Variants in CACNA2D1 observed in about 807,000 individuals in gnomAD.
CACNA2D1 encodes calcium voltage-gated channel auxiliary subunit alpha2delta 1.
A neutral mutation model predicts 171.5 loss-of-function variants in CACNA2D1; 53 were observed. That is an observed-to-expected ratio of 0.31 (90% CI 0.25 to 0.39). The LOEUF (loss-of-function observed/expected upper bound fraction) is 0.39, where lower values mean the gene tolerates loss of function less well. Ranked by LOEUF, CACNA2D1 falls within the 10% of genes least tolerant of loss-of-function variation. The probability of loss-of-function intolerance (pLI) is 1.00; values close to 1 mark genes in which losing one functional copy is unlikely to be tolerated. For synonymous variants in CACNA2D1, 442 were observed against 443.1 expected (o/e 1.00, Z 0.03); for missense variants, 903 against 1,299.8 (o/e 0.69, Z 4.69).
chr7:81,990,970 A>AAT (rs1307813276), intron 21 of CACNA2D1, among the ~76,000 whole-genome samples: 1 of 152,168 alleles, frequency 6.6e-6, no homozygotes, highest in Non-Finnish European at 1.5e-5. Flanking sequence ...AAAAATACAA[A>AAT]ATATATATAT....
At chr7:82,067,348 G>C (rs971969933) in intron 7 of CACNA2D1, among the ~76,000 whole-genome samples, 7 of 152,020 alleles carry the variant, frequency 4.6e-5, no homozygotes, top group African/African-American at 1.2e-4. Context: ...ATGACTCCTG[G>C]GCAAATGCCT....
At chr7:82,072,512 T>C (rs1808446640) in intron 7 of CACNA2D1, among the ~76,000 whole-genome samples, 1 of 151,728 alleles carries the variant, frequency 6.6e-6, no homozygotes, top group South Asian at 2.1e-4. Flanking sequence ...AATCAGTTAC[T>C]TTTGAAAAAT....
At chr7:82,308,489 G>T (rs1276686077) in intron 3 of CACNA2D1, among the ~76,000 whole-genome samples, 2 of 152,088 alleles carry the variant, frequency 1.3e-5, no homozygotes, top group Non-Finnish European at 2.9e-5. Flanking sequence ...CCTGAATTCG[G>T]TAATCTAGTT....
chr7:82,116,906 A>T, intron 6 of CACNA2D1, 138 bp downstream of exon 6: 1 of 934,290 alleles, frequency 1.1e-6, no homozygotes, highest in South Asian at 1.3e-5. Context: ...CTTTCACATA[A>T]ATCAGAGTTT....
intron 6 of CACNA2D1, among the ~76,000 whole-genome samples, chr7:82,103,579 T>G (rs566039141): frequency 6.6e-6 from 1 of 152,292 alleles, no homozygotes; most frequent in Non-Finnish European, 1.5e-5. Context: ...TACTCAAATT[T>G]ACATTTTATG....
At chr7:82,317,638 A>G (rs1418613507) in intron 3 of CACNA2D1, among the ~76,000 whole-genome samples, 1 of 152,088 alleles carries the variant, frequency 6.6e-6, no homozygotes, top group Admixed American at 6.6e-5. Flanking sequence ...TGACAGGGCA[A>G]TTGGTGTGAA....
intron 3 of CACNA2D1, among the ~76,000 whole-genome samples, chr7:82,175,767 T>G (rs567598013): frequency 6.6e-6 from 1 of 152,168 alleles, no homozygotes; most frequent in Non-Finnish European, 1.5e-5. Flanking sequence ...ATCTAGGATT[T>G]TCTTAACCTT....
At chr7:82,124,905 G>A (rs1790156945) in intron 5 of CACNA2D1, among the ~76,000 whole-genome samples, 1 of 151,908 alleles carries the variant, frequency 6.6e-6, no homozygotes, top group Non-Finnish European at 1.5e-5. Context: ...AAAAAAAAAT[G>A]CTAGAAAAGA....
chr7:82,396,568 G>A (rs1047819797), intron 1 of CACNA2D1, among the ~76,000 whole-genome samples: 1 of 152,118 alleles, frequency 6.6e-6, no homozygotes, highest in Admixed American at 6.5e-5. Flanking sequence ...CCTTGTACTA[G>A]CTACTTCTTT....
intron 3 of CACNA2D1, among the ~76,000 whole-genome samples, chr7:82,280,517 C>A (rs1301223943): frequency 6.6e-6 from 1 of 152,100 alleles, no homozygotes; most frequent in Non-Finnish European, 1.5e-5. Context: ...AAGCTGTAGT[C>A]CAGCTCTGGA....
At position 82,105,825 on chromosome 7, in the gene CACNA2D1, T is replaced by G. The variant is rs1393703266; in HGVS notation, c.526+11219A>C. ...AGATAATAACTGGCCCCAGTGTCCA[T>G]GACGCCTACATGAACATCCACACAT... is the stretch of plus-strand genomic sequence containing the variant. On this transcript the variant is annotated intron_variant, in intron 6 of 38. Coordinates refer to ENST00000356860, the MANE Select transcript of CACNA2D1 (RefSeq NM_000722.4). Among the ~76,000 whole-genome samples the G allele has an allele frequency of 2.6e-5, 4 of 152,178 alleles. No individual in the cohort carries two copies. The East Asian group carries it at 7.7e-4, about 29-fold the overall frequency.
chr7:82,089,019 G>A (rs961419525), intron 6 of CACNA2D1, among the ~76,000 whole-genome samples: 1 of 152,166 alleles, frequency 6.6e-6, no homozygotes, highest in Non-Finnish European at 1.5e-5. Flanking sequence ...CAGAGCTCAG[G>A]AAGTAATGCT....
intron 3 of CACNA2D1, among the ~76,000 whole-genome samples, chr7:82,189,873 C>G (rs924753147): frequency 2.6e-5 from 4 of 151,678 alleles, no homozygotes; most frequent in African/African-American, 9.7e-5. Context: ...CATGATTTTG[C>G]TTTAGGAAAA....
chr7:82,165,215 C>T (rs1795314281), intron 4 of CACNA2D1, among the ~76,000 whole-genome samples: 1 of 151,974 alleles, frequency 6.6e-6, no homozygotes, highest in South Asian at 2.1e-4. Flanking sequence ...TAACTTTTCC[C>T]TCCTTTCCTG....
intron 1 of CACNA2D1, among the ~76,000 whole-genome samples, chr7:82,439,951 T>C (rs1009980336): frequency 7.2e-5 from 11 of 151,916 alleles, no homozygotes; most frequent in South Asian, 2.1e-4. Context: ...AGAATAATTA[T>C]GTCACTTATA....
In CACNA2D1 at chr7:82,202,300, C is replaced by T. The variant is rs144883084; in HGVS notation, c.295-31691G>A. On this transcript the variant is annotated intron_variant, in intron 3 of 38. Transcript: ENST00000356860. ...GATTCCTCAAGTGTTCTTTCAGCTG[C>T]CCACCACTCGTTCACCCACTCCCCT... is the stretch of plus-strand genomic sequence containing the variant. 3.3e-5 allele frequency among the ~76,000 whole-genome samples: 5 copies of T among 152,294 alleles called. No homozygotes were observed. In the East Asian group the frequency reaches 9.7e-4, roughly 29 times the overall value.
At chr7:81,992,239 G>A (rs915530767) in intron 20 of CACNA2D1, among the ~76,000 whole-genome samples, 16 of 152,042 alleles carry the variant, frequency 1.1e-4, no homozygotes, top group Admixed American at 3.3e-4. Flanking sequence ...CTTGGTATCA[G>A]GCACTATGCT....
chr7:81,958,507 TC>T (rs1793707203), intron 38 of CACNA2D1, among the ~76,000 whole-genome samples: 1 of 151,936 alleles, frequency 6.6e-6, no homozygotes, highest in Non-Finnish European at 1.5e-5. Flanking sequence ...GATTAATATT[TC>T]TTAAGAATTT....
intron 24 of CACNA2D1, among the ~76,000 whole-genome samples, chr7:81,977,151 A>T (rs1254425273): frequency 1.3e-5 from 2 of 152,148 alleles, no homozygotes; most frequent in African/African-American, 4.8e-5. Flanking sequence ...GAATGCTTCC[A>T]GCTTTTGCCC....
Sources: gnomAD v4.1 joint callset for allele counts (sites outside exome capture counted in the v4.1 genomes callset) on GRCh38, gnomAD v4.1.1 for gene constraint, MANE v1.5 for transcripts, NCBI Gene and HGNC (gene_info 2026-07-23, HGNC 2026-07-21) for gene names.